Variants in ANKS1B observed in about 807,000 individuals in gnomAD.
The protein encoded by ANKS1B is ankyrin repeat and sterile alpha motif domain-containing protein 1B.
In ANKS1B, 36 loss-of-function variants were observed where a neutral mutation model predicts 148.3. The observed-to-expected ratio is 0.24, with a 90% CI of 0.19 to 0.32. The LOEUF is 0.32. ANKS1B is among the 10% of genes least tolerant of loss of function. The pLI is 1.00. For missense variants in ANKS1B, 1,157 were observed against 1,542.6 expected, an observed-to-expected ratio of 0.75 and a Z score of 4.19; for synonymous variants, 542 against 560.8, an observed-to-expected ratio of 0.97 and a Z score of 0.47.
chr12:99,969,175 G>T (rs1480137787), intron 1 of ANKS1B, among the ~76,000 whole-genome samples: 2 of 152,034 alleles, frequency 1.3e-5, no homozygotes, highest in African/African-American at 4.8e-5. Context: ...ATTCCACACT[G>T]GGTTTTTGTG....
At chr12:99,580,636 T>TA (rs1331579201) in intron 9 of ANKS1B, among the ~76,000 whole-genome samples, 4 of 152,042 alleles carry the variant, frequency 2.6e-5, no homozygotes, top group Non-Finnish European at 5.9e-5. Flanking sequence ...GGTTAATGGG[T>TA]AAAAAAATAT....
intron 9 of ANKS1B, among the ~76,000 whole-genome samples, chr12:99,555,378 C>T (rs538775361): frequency 1.3e-5 from 2 of 152,256 alleles, no homozygotes; most frequent in South Asian, 2.1e-4. Flanking sequence ...GAATCACACA[C>T]CTTCAAACAG....
intron 10 of ANKS1B, among the ~76,000 whole-genome samples, chr12:99,455,536 T>C (rs1002483656): frequency 6.6e-6 from 1 of 152,172 alleles, no homozygotes; most frequent in African/African-American, 2.4e-5. Context: ...TTAGTCCTGC[T>C]CATAGGCTGC....
chr12:99,537,573 T>C (rs1424199153), intron 9 of ANKS1B, among the ~76,000 whole-genome samples: 2 of 152,210 alleles, frequency 1.3e-5, no homozygotes, highest in African/African-American at 4.8e-5. Context: ...TTGTGAGAAA[T>C]GTATATTCAA....
intron 8 of ANKS1B, among the ~76,000 whole-genome samples, chr12:99,760,382 C>T (rs2061971409): frequency 6.6e-6 from 1 of 151,766 alleles, no homozygotes; most frequent in African/African-American, 2.4e-5. Flanking sequence ...ATGCCATAAA[C>T]ATATCTCAAA....
intron 1 of ANKS1B, among the ~76,000 whole-genome samples, chr12:99,910,354 C>CAAAAAAAAA (rs57222450): frequency 5.9e-5 from 3 of 51,088 alleles, no homozygotes; most frequent in Admixed American, 5.7e-4. Context: ...GACTCCATCT[C>CAAAAAAAAA]AAAAAAAAAA....
chr12:99,425,602 T>A (rs1339108569), intron 11 of ANKS1B, among the ~76,000 whole-genome samples: 1 of 151,978 alleles, frequency 6.6e-6, no homozygotes, highest in Admixed American at 6.5e-5. Flanking sequence ...ACAGGATATA[T>A]TTTTGTTTTT....
At chr12:99,738,683 A>G (rs948178717) in intron 8 of ANKS1B, among the ~76,000 whole-genome samples, 1 of 152,228 alleles carries the variant, frequency 6.6e-6, no homozygotes, top group African/African-American at 2.4e-5. Flanking sequence ...ACATTCTCAC[A>G]TCACAGAATT....
intron 1 of ANKS1B, among the ~76,000 whole-genome samples, chr12:99,980,025 AAG>A (rs1168713224): frequency 2.0e-5 from 3 of 152,032 alleles, no homozygotes; most frequent in Non-Finnish European, 4.4e-5. Flanking sequence ...GAAGAAAAAA[AAG>A]AGTCAAAAAG....
chr12:99,155,021 A>C, intron 14 of ANKS1B: 1 of 1,535,356 alleles, frequency 6.5e-7, no homozygotes, highest in Non-Finnish European at 8.7e-7. Context: ...AAATGCAGAA[A>C]ATAGCAAGAT....
chr12:99,946,834 A>T (rs1320223682), intron 1 of ANKS1B, among the ~76,000 whole-genome samples: 3 of 152,144 alleles, frequency 2.0e-5, no homozygotes, highest in Non-Finnish European at 2.9e-5. Flanking sequence ...ACAAAGGAGG[A>T]CAGAAATACA....
At chr12:99,111,053 CT>C (rs1258191468) in intron 15 of ANKS1B, among the ~76,000 whole-genome samples, 2 of 152,164 alleles carry the variant, frequency 1.3e-5, no homozygotes, top group Admixed American at 6.5e-5. Flanking sequence ...TCTGTGCCCC[CT>C]GGAAGGCAAT....
intron 9 of ANKS1B, among the ~76,000 whole-genome samples, chr12:99,638,657 A>C (rs1328344005): frequency 6.6e-6 from 1 of 152,206 alleles, no homozygotes; most frequent in African/African-American, 2.4e-5. Flanking sequence ...GGAGAAATCA[A>C]GTGACTGCAG....
chr12:99,691,267 G>A (rs60153400), intron 8 of ANKS1B, among the ~76,000 whole-genome samples: 1 of 152,164 alleles, frequency 6.6e-6, no homozygotes, highest in East Asian at 1.9e-4. Flanking sequence ...GAACGTCTCT[G>A]ATATGCCCTG....
chr12:99,184,255 G>A (rs1475253967), intron 14 of ANKS1B, among the ~76,000 whole-genome samples: 1 of 152,138 alleles, frequency 6.6e-6, no homozygotes, highest in African/African-American at 2.4e-5. Context: ...CAAAAAATAT[G>A]TCAAGAGACT....
intron 9 of ANKS1B, among the ~76,000 whole-genome samples, chr12:99,612,810 A>G (rs2097913706): frequency 6.6e-6 from 1 of 152,144 alleles, no homozygotes; most frequent in East Asian, 1.9e-4. Context: ...AGTTAAAAAA[A>G]CTGTTTAGTT....
At chr12:99,065,852 A>G (rs2044110810) in intron 16 of ANKS1B, among the ~76,000 whole-genome samples, 1 of 152,222 alleles carries the variant, frequency 6.6e-6, no homozygotes, top group Admixed American at 6.5e-5. Context: ...AATAAGCATA[A>G]TAAATAAAGT....
At chr12:98,884,185 T>C (rs1258639098) in intron 17 of ANKS1B, among the ~76,000 whole-genome samples, 1 of 152,248 alleles carries the variant, frequency 6.6e-6, no homozygotes, top group Non-Finnish European at 1.5e-5. Context: ...GGAAACACTT[T>C]ACTAGTGTTA....
intron 17 of ANKS1B, among the ~76,000 whole-genome samples, chr12:98,971,217 A>T (rs757785731): frequency 6.6e-6 from 1 of 152,222 alleles, no homozygotes; most frequent in African/African-American, 2.4e-5. Context: ...CTTCAACTTG[A>T]ACCCAAATTT....
Sources: gnomAD v4.1 joint callset for allele counts (sites outside exome capture counted in the v4.1 genomes callset) on GRCh38, gnomAD v4.1.1 for gene constraint, MANE v1.5 for transcripts, NCBI Gene and HGNC (gene_info 2026-07-23, HGNC 2026-07-21) for gene names.